The following MSH3 variants were observed in gnomAD, a reference collection of about 807,000 sequenced individuals.
MSH3 encodes the protein DNA mismatch repair protein Msh3.
MSH3 carries 106 observed loss-of-function variants against 123.3 expected under a neutral mutation model. The ratio of observed to expected loss-of-function variants is 0.86; its 90% CI spans 0.73 to 1.01. The LOEUF (loss-of-function observed/expected upper bound fraction) is 1.01. Among genes scored for constraint, MSH3 ranks in the 50% least tolerant of loss-of-function variants. The pLI is 0.00. For missense variants in MSH3, 1,459 were observed against 1,347.6 expected, an observed-to-expected ratio of 1.08 and a Z score of -1.29; for synonymous variants, 515 against 481.4, an observed-to-expected ratio of 1.07 and a Z score of -0.91.
At chr5:80,662,678 T>C (rs1439081883) in intron 2 of MSH3, among the ~76,000 whole-genome samples, 2 of 151,810 alleles carry the variant, frequency 1.3e-5, no homozygotes, top group African/African-American at 4.8e-5. Flanking sequence ...AATACAAAAA[T>C]TAGCCAGATA....
chr5:80,687,134 C>T (rs1268956960), intron 8 of MSH3, among the ~76,000 whole-genome samples: 1 of 152,080 alleles, frequency 6.6e-6, no homozygotes, highest in African/African-American at 2.4e-5. Flanking sequence ...AATAATGATA[C>T]ACTATCAATT....
intron 8 of MSH3, among the ~76,000 whole-genome samples, chr5:80,693,835 T>A (rs1750406198): frequency 6.6e-6 from 1 of 152,022 alleles, no homozygotes; most frequent in African/African-American, 2.4e-5. Flanking sequence ...TTTTTGCATA[T>A]TTTTAGTAGA....
rs369415930 is a variant in MSH3, at chr5:80,810,707, T to C, written c.2656-2877T>C. ...TGTAATTACTGTAGCATTATAATAC[T>C]GAGTCATCCAGTTCATGAACATGGT... On this transcript the variant is annotated intron_variant, in intron 19 of 23. Transcript: ENST00000265081. Among the ~76,000 whole-genome samples the C allele has an allele frequency of 1.2e-4, 18 of 152,306 alleles. No individual in the cohort carries two copies. In the South Asian group the frequency reaches 3.7e-3, roughly 32 times the overall value.
chr5:80,755,970 T>TC (rs1287667695), intron 12 of MSH3, among the ~76,000 whole-genome samples: 2 of 152,108 alleles, frequency 1.3e-5, no homozygotes, highest in Non-Finnish European at 2.9e-5. Context: ...TCTGGCAATT[T>TC]CCAAGCTGTG....
rs541295684 is a variant in MSH3 at position 80,669,791 on chromosome 5, T to G, written c.580-306T>G. On this transcript the variant is annotated intron_variant, in intron 3 of 23. Coordinates refer to ENST00000265081, the MANE Select transcript of MSH3 (RefSeq NM_002439.5). ...TAAATAATAAAAAGAAAATAAGTGT[T>G]AATAATAATAGATTTAATGAAATCA... Among the ~76,000 whole-genome samples the G allele has an allele frequency of 2.0e-3, 308 of 152,310 alleles. 2 individuals are homozygous for G. The highest frequency in any genetic ancestry group is 7.1e-3 in the African/African-American group (297 of 41,566).
intron 10 of MSH3, among the ~76,000 whole-genome samples, chr5:80,740,225 T>G (rs1743586191): frequency 1.3e-5 from 2 of 152,224 alleles, no homozygotes; most frequent in Admixed American, 1.3e-4. Context: ...TGAAATTTAT[T>G]GAACTTCTAA....
chr5:80,759,438 G>A (rs948649724), intron 12 of MSH3, among the ~76,000 whole-genome samples: 1 of 152,142 alleles, frequency 6.6e-6, no homozygotes, highest in African/African-American at 2.4e-5. Flanking sequence ...AGCAGCAAAT[G>A]AGAAAGCCTC....
chr5:80,854,427 C>T (rs1437120222), intron 21 of MSH3, 111 bp downstream of exon 21: 2 of 940,122 alleles, frequency 2.1e-6, no homozygotes, highest in Non-Finnish European at 1.7e-6. Context: ...TGTTTTGAAA[C>T]ATATAAACAA....
intron 15 of MSH3, among the ~76,000 whole-genome samples, chr5:80,771,074 C>T (rs992055878): frequency 2.0e-5 from 3 of 152,112 alleles, no homozygotes; most frequent in African/African-American, 7.2e-5. Flanking sequence ...ATAATCTTCT[C>T]TAGGATTTTA....
intron 2 of MSH3, among the ~76,000 whole-genome samples, chr5:80,664,003 A>G (rs902718917): frequency 1.3e-5 from 2 of 152,232 alleles, no homozygotes; most frequent in African/African-American, 4.8e-5. Context: ...CCAACCTAAT[A>G]GTAGTGCTCT....
intron 20 of MSH3, among the ~76,000 whole-genome samples, chr5:80,819,485 T>TC (rs1016900266): frequency 6.7e-6 from 1 of 148,942 alleles, no homozygotes; most frequent in African/African-American, 2.4e-5. Context: ...TATATAATTT[T>TC]TTTTTTTTTT....
chr5:80,716,584 A>AT (rs1561453671), intron 8 of MSH3, among the ~76,000 whole-genome samples: 2 of 151,752 alleles, frequency 1.3e-5, no homozygotes, highest in African/African-American at 2.4e-5. Flanking sequence ...AGAAACTTAT[A>AT]TTTTTTTACA....
chr5:80,663,974 T>G (rs887614293), intron 2 of MSH3, among the ~76,000 whole-genome samples: 4 of 152,180 alleles, frequency 2.6e-5, no homozygotes, highest in Non-Finnish European at 5.9e-5. Flanking sequence ...CAGTCCCAGT[T>G]CCTTTACATT....
rs36206914 is a variant in MSH3, at chr5:80,748,691, T to TAC, written c.1763+4117_1763+4118dup. ...GATATAGTCTTGTCAATTTTTTATTTACACACACACACACACACACACACA... is the reference window on the plus strand; with the variant it reads ...GATATAGTCTTGTCAATTTTTTATTTACACACACACACACACACACACACACA... On this transcript the variant is annotated intron_variant, in intron 12 of 23. Transcript: ENST00000265081. Among the ~76,000 whole-genome samples the TAC allele has an allele frequency of 2.6e-3, 388 of 147,446 alleles. 4 individuals are homozygous for TAC. The highest frequency in any genetic ancestry group is 0.011 in the Middle Eastern group (3 of 282).
chr5:80,678,145 C>G (rs1268655691), intron 7 of MSH3, among the ~76,000 whole-genome samples: 1 of 152,202 alleles, frequency 6.6e-6, no homozygotes, highest in African/African-American at 2.4e-5. Context: ...CAGCCTGTAA[C>G]TAGCCCCCAT....
chr5:80,671,545 T>A (rs1288772971), intron 4 of MSH3, among the ~76,000 whole-genome samples: 1 of 152,200 alleles, frequency 6.6e-6, no homozygotes, highest in East Asian at 1.9e-4. Flanking sequence ...GGAGAGAAAC[T>A]GTCTAGGTTA....
chr5:80,659,960 C>T (rs989996061), intron 2 of MSH3, among the ~76,000 whole-genome samples: 9 of 152,020 alleles, frequency 5.9e-5, no homozygotes, highest in Non-Finnish European at 8.8e-5. Flanking sequence ...CTGGGATCCA[C>T]GGGGGAAGGA....
intron 10 of MSH3, among the ~76,000 whole-genome samples, chr5:80,729,430 ATGTGTGTGTG>A (rs71594671): frequency 1.3e-5 from 1 of 78,374 alleles, no homozygotes; most frequent in East Asian, 3.6e-4. Context: ...AAAAAAAAAA[ATGTGTGTGTG>A]TGTGTGTGTG....
chr5:80,725,875 G>A (rs148548133), intron 9 of MSH3, among the ~76,000 whole-genome samples: 24 of 152,254 alleles, frequency 1.6e-4, no homozygotes, highest in South Asian at 1.0e-3. Flanking sequence ...AACCATTGCA[G>A]CCTCTTTTGA....
Sources: allele counts gnomAD v4.1 joint callset (sites outside exome capture counted in the v4.1 genomes callset), GRCh38; gene constraint gnomAD v4.1.1; transcripts MANE v1.5; gene names NCBI Gene and HGNC (gene_info 2026-07-23, HGNC 2026-07-21).